MTHFD2L: variants seen among roughly 807,000 people sequenced by gnomAD.
MTHFD2L encodes methylenetetrahydrofolate dehydrogenase (NADP+ dependent) 2 like, also known as bifunctional methylenetetrahydrofolate dehydrogenase/cyclohydrolase 2, mitochondrial.
Under a neutral mutation model 34.9 loss-of-function variants are expected in MTHFD2L, and 29 were observed. That is an observed-to-expected ratio of 0.83 (90% CI 0.62 to 1.13). MTHFD2L has a LOEUF of 1.13. Among genes scored for constraint, MTHFD2L ranks in the 50% most tolerant of loss-of-function variants. The probability of loss-of-function intolerance (pLI) is 0.00; values close to 1 mark genes in which losing one functional copy is unlikely to be tolerated. For synonymous variants in MTHFD2L, 167 were observed against 155.7 expected (o/e 1.07, Z -0.54); for missense variants, 481 against 446.5 (o/e 1.08, Z -0.70).
chr4:74,116,954 A>C (rs948240038), intron 2 of MTHFD2L, among the ~76,000 whole-genome samples: 8 of 152,262 alleles, frequency 5.3e-5, no homozygotes, highest in Non-Finnish European at 1.0e-4. Context: ...TTATAAAGTA[A>C]ACCACATATC....
chr4:74,267,295 T>C, intron 6 of MTHFD2L: 2 of 845,976 alleles, frequency 2.4e-6, no homozygotes, highest in Non-Finnish European at 2.8e-6. Flanking sequence ...TATTCTTTTC[T>C]TTTCTTTTCT....
intron 3 of MTHFD2L, among the ~76,000 whole-genome samples, chr4:74,176,757 A>G (rs1560449867): frequency 6.6e-6 from 1 of 152,118 alleles, no homozygotes; most frequent in South Asian, 2.1e-4. Context: ...AAATTTGTGC[A>G]TATTTAAACT....
At chr4:74,114,888 C>T (rs78083524) in intron 2 of MTHFD2L, among the ~76,000 whole-genome samples, 301 of 152,244 alleles carry the variant, frequency 2.0e-3, no homozygotes, top group Middle Eastern at 6.8e-3. Context: ...ATTCTCACAC[C>T]AACCTCAAAA....
chr4:74,161,874 T>G (rs1206806027), intron 1 of MTHFD2L: 1 of 152,216 alleles, frequency 6.6e-6, no homozygotes, highest in Admixed American at 6.5e-5. Flanking sequence ...TGGAGCTCAG[T>G]GAAATTACAC....
Position 74,223,367 on chromosome 4 carries a change from CAG to C in MTHFD2L, c.713-1933_713-1932del, listed in dbSNP as rs1738568342. ...TATCTTTAGCAAATTAATACAGGAA[CAG>C]AAATCCAAATACTGCATGCTCTCAC... On this transcript the variant is annotated intron_variant, in intron 5 of 7. Transcript: ENST00000325278. 2.0e-5 allele frequency among the ~76,000 whole-genome samples: 3 copies of C among 151,980 alleles called. No individual in the cohort carries two copies. The South Asian group carries it at 6.2e-4, about 31-fold the overall frequency.
chr4:74,257,180 T>C (rs1560536482), intron 6 of MTHFD2L, among the ~76,000 whole-genome samples: 1 of 152,156 alleles, frequency 6.6e-6, no homozygotes, highest in Admixed American at 6.5e-5. Context: ...TTTCACCTCT[T>C]GTTTATATGT....
intron 6 of MTHFD2L, among the ~76,000 whole-genome samples, chr4:74,229,578 G>A (rs954653162): frequency 6.6e-6 from 1 of 152,292 alleles, no homozygotes; most frequent in East Asian, 1.9e-4. Context: ...CTTGACACAA[G>A]CTTGAAGAAA....
intron 6 of MTHFD2L, among the ~76,000 whole-genome samples, chr4:74,247,138 A>G (rs1489234293): frequency 1.3e-5 from 2 of 150,348 alleles, no homozygotes; most frequent in Non-Finnish European, 3.0e-5. Context: ...ATTTGTTTGT[A>G]TCCTCTTTTA....
At chr4:74,129,039 G>GT (rs977294024) in intron 1 of MTHFD2L, among the ~76,000 whole-genome samples, 32 of 151,828 alleles carry the variant, frequency 2.1e-4, no homozygotes, top group Admixed American at 3.3e-4. Flanking sequence ...TTAATTCATT[G>GT]TTTTTTTATT....
At chr4:74,202,676 G>A (rs900852969) in intron 5 of MTHFD2L, among the ~76,000 whole-genome samples, 4 of 151,964 alleles carry the variant, frequency 2.6e-5, no homozygotes, top group Non-Finnish European at 4.4e-5. Context: ...AGTAGTTATT[G>A]GTTTATCTAT....
upstream of MTHFD2L, among the ~76,000 whole-genome samples, chr4:74,155,795 A>G (rs1417097844): frequency 6.6e-6 from 1 of 151,986 alleles, no homozygotes; most frequent in Non-Finnish European, 1.5e-5. Flanking sequence ...GGAGTAAAGA[A>G]TATTTCCTTA....
At chr4:74,204,471 GATTTT>G (rs1734969568) in intron 5 of MTHFD2L, among the ~76,000 whole-genome samples, 10 of 151,924 alleles carry the variant, frequency 6.6e-5, no homozygotes, top group Admixed American at 6.6e-4. Flanking sequence ...CCTTTATTTG[GATTTT>G]ATTTTCTTCT....
intron 6 of MTHFD2L, among the ~76,000 whole-genome samples, chr4:74,236,774 G>A (rs1016559236): frequency 6.6e-6 from 1 of 152,062 alleles, no homozygotes; most frequent in African/African-American, 2.4e-5. Context: ...GTGCCTTTTT[G>A]GATATGTCCC....
chr4:74,201,235 G>T (rs773398895), intron 4 of MTHFD2L, 28 bp from the exon 5 acceptor site: 2 of 1,541,160 alleles, frequency 1.3e-6, no homozygotes, highest in African/African-American at 2.7e-5. Flanking sequence ...TGTCAATTCT[G>T]CATTTAAACC....
At chr4:74,180,275 G>T (rs573103049) in intron 3 of MTHFD2L, among the ~76,000 whole-genome samples, 25 of 152,108 alleles carry the variant, frequency 1.6e-4, no homozygotes, top group African/African-American at 6.0e-4. Context: ...TGATAGATTG[G>T]CTGTATAGAA....
chr4:74,271,337 T>G (rs1454894571), intron 6 of MTHFD2L, among the ~76,000 whole-genome samples: 1 of 152,194 alleles, frequency 6.6e-6, no homozygotes, highest in Non-Finnish European at 1.5e-5. Context: ...CATCTTGAAT[T>G]AATTTTTGTA....
chr4:74,231,196 G>A (rs1002578564), intron 6 of MTHFD2L, among the ~76,000 whole-genome samples: 3 of 152,038 alleles, frequency 2.0e-5, no homozygotes, highest in Non-Finnish European at 4.4e-5. Flanking sequence ...AAAGTACAAA[G>A]TGACCAACGA....
At chr4:74,191,953 A>G (rs1400695051) in intron 3 of MTHFD2L, among the ~76,000 whole-genome samples, 1 of 152,138 alleles carries the variant, frequency 6.6e-6, no homozygotes, top group Non-Finnish European at 1.5e-5. Context: ...CCAGCTGCCC[A>G]CTAATTTTGT....
At chr4:74,134,330 C>A (rs1438344701) in intron 1 of MTHFD2L, among the ~76,000 whole-genome samples, 1 of 152,166 alleles carries the variant, frequency 6.6e-6, no homozygotes, top group African/African-American at 2.4e-5. Context: ...GGAACACACC[C>A]GTGGCCGGCC....
Sources: gnomAD v4.1 joint callset for allele counts (sites outside exome capture counted in the v4.1 genomes callset) on GRCh38, gnomAD v4.1.1 for gene constraint, MANE v1.5 for transcripts, NCBI Gene and HGNC (gene_info 2026-07-23, HGNC 2026-07-21) for gene names.